LRP1B: variants seen among roughly 807,000 people sequenced by gnomAD.
LRP1B encodes the protein LDL receptor related protein 1B.
LRP1B carries 217 observed loss-of-function variants against 556.6 expected under a neutral mutation model. The ratio of observed to expected loss-of-function variants is 0.39; its 90% CI spans 0.35 to 0.44. LRP1B has a LOEUF of 0.44. Ranked by LOEUF, LRP1B falls within the 20% of genes least tolerant of loss-of-function variation. The pLI is 1.00. For synonymous variants in LRP1B, 2,047 were observed against 1,865.8 expected (o/e 1.10, Z -2.50); for missense variants, 5,053 against 5,620.8 (o/e 0.90, Z 3.23).
At chr2:140,275,711 C>G (rs565726928) in intron 84 of LRP1B, among the ~76,000 whole-genome samples, 1 of 152,066 alleles carries the variant, frequency 6.6e-6, no homozygotes, top group Admixed American at 6.6e-5. Context: ...GGCTATTATC[C>G]TTTTCTAAGG....
chr2:140,318,695 G>C (rs1228734779), intron 82 of LRP1B, among the ~76,000 whole-genome samples: 1 of 151,964 alleles, frequency 6.6e-6, no homozygotes, highest in Non-Finnish European at 1.5e-5. Flanking sequence ...AGAGATACTG[G>C]GATGTATTGT....
chr2:141,292,775 CT>C (rs112580478), intron 3 of LRP1B, among the ~76,000 whole-genome samples: 1 of 152,114 alleles, frequency 6.6e-6, no homozygotes, highest in Admixed American at 6.5e-5. Flanking sequence ...GGCTGAGATA[CT>C]GCCACAGCTA....
intron 1 of LRP1B, among the ~76,000 whole-genome samples, chr2:142,107,269 T>C (rs1307220424): frequency 1.3e-5 from 2 of 152,204 alleles, no homozygotes; most frequent in Non-Finnish European, 2.9e-5. Context: ...TGCAATGTTG[T>C]AGAGAGGTGG....
chr2:141,890,793 T>C (rs1699267738), intron 1 of LRP1B, among the ~76,000 whole-genome samples: 1 of 152,146 alleles, frequency 6.6e-6, no homozygotes, highest in Non-Finnish European at 1.5e-5. Context: ...AATGGATATT[T>C]ATGAAACTTA....
chr2:141,607,994 G>A (rs913518660), intron 2 of LRP1B, among the ~76,000 whole-genome samples: 1 of 152,122 alleles, frequency 6.6e-6, no homozygotes, highest in Admixed American at 6.6e-5. Context: ...GGAGGCCAAG[G>A]TGGGCGGATC....
intron 2 of LRP1B, among the ~76,000 whole-genome samples, chr2:141,695,144 T>C (rs78743473): frequency 6.6e-6 from 1 of 152,004 alleles, no homozygotes; most frequent in Admixed American, 6.6e-5. Flanking sequence ...CCCATACTTA[T>C]CTTTATTAAC....
chr2:140,900,261 A>C (rs1387240195), intron 23 of LRP1B, among the ~76,000 whole-genome samples: 3 of 152,244 alleles, frequency 2.0e-5, no homozygotes, highest in African/African-American at 4.8e-5. Flanking sequence ...TAAGACACTG[A>C]ATCATTTTGT....
intron 7 of LRP1B, among the ~76,000 whole-genome samples, chr2:141,131,845 T>TTA (rs1701366813): frequency 6.6e-6 from 1 of 151,726 alleles, no homozygotes; most frequent in African/African-American, 2.4e-5. Context: ...CATTTTTTTT[T>TTA]AATTTCCATA....
chr2:141,243,142 T>A (rs571323637), intron 5 of LRP1B, among the ~76,000 whole-genome samples: 604 of 92,916 alleles, frequency 6.5e-3, no homozygotes, highest in Middle Eastern at 0.011. Context: ...TATTATTATT[T>A]TTATTTTTTT....
chr2:140,723,665 G>T (rs778819191), intron 35 of LRP1B, among the ~76,000 whole-genome samples: 8 of 152,100 alleles, frequency 5.3e-5, no homozygotes, highest in South Asian at 2.1e-4. Flanking sequence ...GAGGGAGAAG[G>T]TTCTTACATT....
intron 49 of LRP1B, among the ~76,000 whole-genome samples, chr2:140,520,103 T>G (rs1690094359): frequency 6.6e-6 from 1 of 152,154 alleles, no homozygotes; most frequent in Non-Finnish European, 1.5e-5. Context: ...ATCCTATTAC[T>G]GGGTATATAC....
chr2:141,373,547 AGTT>A (rs774224107), intron 3 of LRP1B, among the ~76,000 whole-genome samples: 18 of 151,824 alleles, frequency 1.2e-4, no homozygotes, highest in Non-Finnish European at 2.2e-4. Context: ...ATATATTTAG[AGTT>A]GTTGTATCCT....
At chr2:140,327,980 T>A (rs1342423472) in intron 79 of LRP1B, among the ~76,000 whole-genome samples, 2 of 152,048 alleles carry the variant, frequency 1.3e-5, no homozygotes, top group Non-Finnish European at 2.9e-5. Flanking sequence ...ATAAAAGAGA[T>A]AGTCTTCTAA....
chr2:140,903,251 TACA>T, intron 22 of LRP1B, 86 bp from the exon 23 acceptor site: 1 of 1,461,300 alleles, frequency 6.8e-7, no homozygotes, highest in East Asian at 2.3e-5. Flanking sequence ...TCTCTAAGCC[TACA>T]ATTAGCCAGG....
At chr2:140,659,242 A>G (rs1436959720) in intron 41 of LRP1B, among the ~76,000 whole-genome samples, 7 of 150,408 alleles carry the variant, frequency 4.7e-5, no homozygotes, top group African/African-American at 1.7e-4. Context: ...ATCCCACTTT[A>G]CTGAACTAGA....
chr2:140,982,297 A>C lies in LRP1B; in HGVS notation c.2771-21T>G. ...TCTGGCTATGATGATCAATTAATAA[A>C]CAAAAAATCAATTTAGAGGCATTTT... On this transcript the variant is annotated intron_variant, in intron 17 of 90. Transcript: ENST00000389484. The C allele has an allele frequency of 2.0e-6, 3 of 1,523,038 alleles. No individual in the cohort carries two copies. The South Asian group carries it at 3.4e-5, about 17-fold the overall frequency. The allele number at this position is 1,523,038 out of a possible 1,614,324, so 94.3% of individuals were successfully genotyped here. A position where few individuals can be genotyped will look rare whatever the true frequency, so the allele number is the denominator to read the frequency against.
rs776206901 is a variant in LRP1B at position 141,480,389 on chromosome 2, G to C, written c.343+7C>G. ...TTTCAGTTGCATTGTTCCACAAATGGACTCACCCTGACAATGTACTCCTTC... is the reference window on the plus strand; with the variant it reads ...TTTCAGTTGCATTGTTCCACAAATGCACTCACCCTGACAATGTACTCCTTC... On this transcript the variant is annotated splice_region_variant and intron_variant, in intron 3 of 90. Coordinates refer to ENST00000389484, the MANE Select transcript of LRP1B (RefSeq NM_018557.3). The C allele has an allele frequency of 5.0e-6, 8 of 1,613,626 alleles. No individual in the cohort carries two copies. The East Asian group carries it at 1.8e-4, about 36-fold the overall frequency.
intron 43 of LRP1B, 148 bp downstream of exon 43, chr2:140,598,483 T>C (rs547255712): frequency 1.6e-6 from 1 of 632,674 alleles, no homozygotes; most frequent in Non-Finnish European, 2.7e-6. Context: ...TTCTTATGTG[T>C]GTGATAGATT....
intron 66 of LRP1B, among the ~76,000 whole-genome samples, chr2:140,434,279 A>G (rs1686080254): frequency 6.6e-6 from 1 of 152,098 alleles, no homozygotes; most frequent in African/African-American, 2.4e-5. Flanking sequence ...CATGTTGACC[A>G]GGCTGGTCTT....
Sources: gnomAD v4.1 joint callset for allele counts (sites outside exome capture counted in the v4.1 genomes callset) on GRCh38, gnomAD v4.1.1 for gene constraint, MANE v1.5 for transcripts, NCBI Gene and HGNC (gene_info 2026-07-23, HGNC 2026-07-21) for gene names.